ATP9B: variants seen among roughly 807,000 people sequenced by gnomAD.
ATP9B encodes the protein probable phospholipid-transporting ATPase IIB.
In ATP9B, 110 loss-of-function variants were observed where a neutral mutation model predicts 146.1. The observed-to-expected ratio is 0.75, with a 90% CI of 0.65 to 0.88. The LOEUF is 0.88. ATP9B is among the 40% of genes least tolerant of loss of function. The pLI, the probability that ATP9B is intolerant of heterozygous loss-of-function variation, is 0.00. For missense variants in ATP9B, 1,499 were observed against 1,496.4 expected (o/e 1.00, Z -0.03); for synonymous variants, 604 against 569.7 (o/e 1.06, Z -0.86).
intron 11 of ATP9B, among the ~76,000 whole-genome samples, chr18:79,225,010 T>G (rs8091330): frequency 1 from 151,819 of 152,362 alleles, 75,642 homozygotes; most frequent in Middle Eastern, 1. Context: ...AGTCTGCCAG[T>G]AGGGACTGTG....
intron 2 of ATP9B, among the ~76,000 whole-genome samples, chr18:79,105,047 G>A (rs1402406489): frequency 6.6e-6 from 1 of 152,154 alleles, no homozygotes; most frequent in Non-Finnish European, 1.5e-5. Context: ...TGGCACTAAG[G>A]AATGTCCTAC....
rs1049243605 is a variant in ATP9B at position 79,078,063 on chromosome 18, T to A, written c.119+8534T>A. 5 of 152,338 alleles carry A rather than the reference T, an allele frequency of 3.3e-5. 1 individual carries two copies. The allele number at this position is 152,338 out of a possible 1,614,324, so 9.4% of individuals were successfully genotyped here. Reference sequence around the variant, plus strand: ...GGATGTCCCCACTCCTGACTTGGTCTGCCCTGACACCACCTGGGCAATGGG... The same window carrying A: ...GGATGTCCCCACTCCTGACTTGGTCAGCCCTGACACCACCTGGGCAATGGG... On this transcript the variant is annotated intron_variant, in intron 1 of 29. Transcript: ENST00000426216.
chr18:79,166,847 G>A (rs570570385), intron 7 of ATP9B, among the ~76,000 whole-genome samples: 3 of 152,146 alleles, frequency 2.0e-5, no homozygotes, highest in East Asian at 1.9e-4. Flanking sequence ...TTGTGCTGCC[G>A]GCCCGGATCC....
chr18:79,374,902 C>A (rs565093141), intron 28 of ATP9B, among the ~76,000 whole-genome samples: 1 of 152,292 alleles, frequency 6.6e-6, no homozygotes, highest in Admixed American at 6.5e-5. Flanking sequence ...GCTCACAAAA[C>A]GACAAAGACA....
intron 25 of ATP9B, chr18:79,352,974 A>C (rs959680495): frequency 2.0e-5 from 3 of 152,264 alleles, no homozygotes; most frequent in Non-Finnish European, 2.9e-5. Flanking sequence ...TTAAGATGAA[A>C]GATTTGAACA....
intron 5 of ATP9B, among the ~76,000 whole-genome samples, chr18:79,136,993 T>G (rs538780374): frequency 6.6e-6 from 1 of 152,216 alleles, no homozygotes; most frequent in East Asian, 1.9e-4. Flanking sequence ...CATGATTCAT[T>G]TACCTCCCAC....
chr18:79,271,712 T>G (rs971893493), intron 12 of ATP9B, among the ~76,000 whole-genome samples: 8 of 152,206 alleles, frequency 5.3e-5, no homozygotes, highest in African/African-American at 1.4e-4. Flanking sequence ...TGTGCATTTG[T>G]CTTTATAGCA....
At chr18:79,329,893 C>T (rs2096780845) in intron 16 of ATP9B, 119 bp from the exon 17 acceptor site, 1 of 879,790 alleles carries the variant, frequency 1.1e-6, no homozygotes, top group African/African-American at 1.6e-5. Context: ...AGGAGCTTAA[C>T]ACACAGGAAC....
At chr18:79,083,534 T>C (rs1039815572) in intron 1 of ATP9B, among the ~76,000 whole-genome samples, 2 of 152,098 alleles carry the variant, frequency 1.3e-5, no homozygotes, top group African/African-American at 4.8e-5. Flanking sequence ...GCCCTGGTGG[T>C]GTAGGCATCG....
At chr18:79,224,285 A>C (rs567144966) in intron 11 of ATP9B, among the ~76,000 whole-genome samples, 1 of 152,294 alleles carries the variant, frequency 6.6e-6, no homozygotes, top group East Asian at 1.9e-4. Flanking sequence ...GACTTATGAC[A>C]TTTCCTGCAA....
At chr18:79,217,246 G>A (rs552914966) in intron 11 of ATP9B, among the ~76,000 whole-genome samples, 15 of 152,312 alleles carry the variant, frequency 9.8e-5, no homozygotes, top group South Asian at 6.2e-4. Context: ...GTGCGGTGGC[G>A]CAATCTCGGC....
chr18:79,330,158 G>A, intron 17 of ATP9B, 54 bp downstream of exon 17: 2 of 1,497,032 alleles, frequency 1.3e-6, no homozygotes, highest in Non-Finnish European at 1.9e-6. Flanking sequence ...GAGGAGGTAT[G>A]TGAGTGACTC....
chr18:79,279,043 C>T (rs1184397508), intron 13 of ATP9B, among the ~76,000 whole-genome samples: 2 of 152,140 alleles, frequency 1.3e-5, no homozygotes, highest in South Asian at 2.1e-4. Context: ...TAGGGGTGGA[C>T]GAGCCCCAGA....
At chr18:79,325,830 T>A (rs1419092813) in intron 15 of ATP9B, among the ~76,000 whole-genome samples, 3 of 152,200 alleles carry the variant, frequency 2.0e-5, no homozygotes, top group African/African-American at 7.2e-5. Flanking sequence ...CTGTTTTCCA[T>A]TATCTCTGCA....
At chr18:79,072,355 T>G (rs945574492) in intron 1 of ATP9B, among the ~76,000 whole-genome samples, 55 of 152,278 alleles carry the variant, frequency 3.6e-4, no homozygotes, top group African/African-American at 1.2e-3. Flanking sequence ...TGATGACTCT[T>G]AACGAGCATG....
chr18:79,270,213 T>C (rs575495647), intron 12 of ATP9B, among the ~76,000 whole-genome samples: 37 of 152,322 alleles, frequency 2.4e-4, no homozygotes, highest in African/African-American at 8.9e-4. Context: ...CCTTTCACAA[T>C]CCTGGCATAG....
At chr18:79,069,770 G>A (rs1007169795) in intron 1 of ATP9B, among the ~76,000 whole-genome samples, 4 of 152,372 alleles carry the variant, frequency 2.6e-5, no homozygotes, top group African/African-American at 9.6e-5. Context: ...CCGAGCGTAG[G>A]AGCCAGAACG....
intron 9 of ATP9B, among the ~76,000 whole-genome samples, chr18:79,199,995 G>A (rs564791165): frequency 6.6e-6 from 1 of 152,120 alleles, no homozygotes; most frequent in African/African-American, 2.4e-5. Flanking sequence ...ATAAGTAGAA[G>A]GAGTACACTC....
chr18:79,274,598 C>T (rs962718976), intron 12 of ATP9B, among the ~76,000 whole-genome samples: 6 of 151,934 alleles, frequency 3.9e-5, no homozygotes, highest in African/African-American at 1.2e-4. Flanking sequence ...ATACAAAACC[C>T]GTGTGGTATT....
Sources: gnomAD v4.1 joint callset for allele counts (sites outside exome capture counted in the v4.1 genomes callset) on GRCh38, gnomAD v4.1.1 for gene constraint, MANE v1.5 for transcripts, NCBI Gene and HGNC (gene_info 2026-07-23, HGNC 2026-07-21) for gene names.